The following HBS1L variants were observed in gnomAD, a reference collection of about 807,000 sequenced individuals.
HBS1L encodes the protein HBS1-like protein.
A neutral mutation model predicts 88.9 loss-of-function variants in HBS1L; 55 were observed. The observed-to-expected ratio is 0.62, with a 90% confidence interval of 0.50 to 0.77. The LOEUF is 0.77. Among genes scored for constraint, HBS1L ranks in the 30% least tolerant of loss-of-function variants. The pLI is 0.00. For missense variants in HBS1L, 741 were observed against 829.3 expected (o/e 0.89, Z 1.31); for synonymous variants, 267 against 288.5 (o/e 0.93, Z 0.76).
At chr6:135,038,496 A>G (rs1196495998) in intron 4 of HBS1L, among the ~76,000 whole-genome samples, 1 of 152,244 alleles carries the variant, frequency 6.6e-6, no homozygotes, top group Non-Finnish European at 1.5e-5. Flanking sequence ...ATGACATATT[A>G]CAGACTCATT....
rs1397789789 is a variant in HBS1L, at chr6:135,054,487, A to T, written c.43+162T>A. Among the ~76,000 whole-genome samples the T allele has an allele frequency of 4.6e-5, 7 of 152,238 alleles. No homozygotes were observed. In the East Asian group the frequency reaches 1.3e-3, roughly 29 times the overall value. ...GAAATCATGACTTAAAAACGACGGC[A>T]TTTGAAAGCACTAGAAGGCCTGTTA... On this transcript the variant is annotated intron_variant, in intron 1 of 17. Coordinates refer to ENST00000367837, the MANE Select transcript of HBS1L (RefSeq NM_006620.4).
chr6:135,051,694 C>T (rs146436086), intron 1 of HBS1L, among the ~76,000 whole-genome samples: 6 of 152,288 alleles, frequency 3.9e-5, no homozygotes, highest in African/African-American at 1.4e-4. Context: ...CAGGGCAAGA[C>T]TTGGTTTAGC....
intron 4 of HBS1L, chr6:135,038,125 T>A: frequency 2.4e-6 from 2 of 840,884 alleles, no homozygotes; most frequent in Non-Finnish European, 3.5e-6. Flanking sequence ...GGCATTTAAT[T>A]ACTAAATGCT....
At chr6:135,039,837 T>G in intron 3 of HBS1L, 70 bp from the exon 4 acceptor site, 1 of 1,340,830 alleles carries the variant, frequency 7.5e-7, no homozygotes, top group Non-Finnish European at 1.0e-6. Flanking sequence ...TCTTCAAAAC[T>G]GATTTTAAAA....
chr6:135,007,581 C>T (rs910910819), intron 4 of HBS1L, among the ~76,000 whole-genome samples: 1 of 152,166 alleles, frequency 6.6e-6, no homozygotes, highest in African/African-American at 2.4e-5. Context: ...AGGTGATTTA[C>T]TTCCACTTAC....
chr6:135,047,028 T>C (rs942398920), intron 2 of HBS1L, among the ~76,000 whole-genome samples: 2 of 152,242 alleles, frequency 1.3e-5, no homozygotes, highest in Admixed American at 1.3e-4. Context: ...AACATTTAAC[T>C]ATCTCCTGCT....
At chr6:134,992,209 T>A (rs1482508051) in intron 8 of HBS1L, among the ~76,000 whole-genome samples, 1 of 152,228 alleles carries the variant, frequency 6.6e-6, no homozygotes, top group African/African-American at 2.4e-5. Context: ...CAATGTCCTA[T>A]ATATGCAGTG....
intron 5 of HBS1L, among the ~76,000 whole-genome samples, chr6:135,000,483 G>A (rs531016655): frequency 1.3e-5 from 2 of 151,912 alleles, no homozygotes; most frequent in South Asian, 4.2e-4. Flanking sequence ...ACTTAGAAGC[G>A]AATAACTGAG....
intron 4 of HBS1L, among the ~76,000 whole-genome samples, chr6:135,029,266 G>A (rs901422219): frequency 2.2e-4 from 34 of 151,878 alleles, no homozygotes; most frequent in Non-Finnish European, 4.4e-5. Context: ...TCTAACAAAT[G>A]ACCTGACACA....
intron 4 of HBS1L, among the ~76,000 whole-genome samples, chr6:135,019,203 T>C (rs1464431483): frequency 6.6e-6 from 1 of 151,844 alleles, no homozygotes; most frequent in African/African-American, 2.4e-5. Flanking sequence ...CAGCTAGTAG[T>C]TGGTTCAGTT....
chr6:135,052,771 TA>T (rs1384890193), intron 1 of HBS1L, among the ~76,000 whole-genome samples: 2 of 152,120 alleles, frequency 1.3e-5, no homozygotes, highest in Non-Finnish European at 2.9e-5. Flanking sequence ...GCCAGCTACT[TA>T]AAGTATGGAT....
At chr6:134,970,543 C>A (rs564795129) in intron 15 of HBS1L, among the ~76,000 whole-genome samples, 1 of 152,310 alleles carries the variant, frequency 6.6e-6, no homozygotes, top group South Asian at 2.1e-4. Context: ...TGGCACATGG[C>A]AAGCATTCAG....
intron 15 of HBS1L, 63 bp from the exon 16 acceptor site, chr6:134,969,401 G>A: frequency 1.0e-6 from 1 of 996,236 alleles, no homozygotes. Flanking sequence ...TTTTCTTTTG[G>A]CACTTATACT....
intron 4 of HBS1L, among the ~76,000 whole-genome samples, chr6:135,018,705 T>C (rs1358401688): frequency 1.3e-5 from 2 of 151,932 alleles, no homozygotes; most frequent in African/African-American, 2.4e-5. Flanking sequence ...GGACTAGAAA[T>C]AGGACAGCCT....
intron 5 of HBS1L, among the ~76,000 whole-genome samples, chr6:135,000,259 A>G (rs1156798856): frequency 7.0e-6 from 1 of 143,222 alleles, no homozygotes; most frequent in East Asian, 2.0e-4. Context: ...GGGAATCTCA[A>G]TATATTGCCC....
At chr6:135,037,513 T>TC (rs749396909) in intron 4 of HBS1L, 24 of 1,550,086 alleles carry the variant, frequency 1.5e-5, no homozygotes, top group Admixed American at 3.9e-5. Flanking sequence ...TCCTAAACTG[T>TC]CCTGTACTGG....
In HBS1L at chr6:134,960,868, T is replaced by G. The variant is rs768549137; in HGVS notation, c.*4411A>C. The G allele has an allele frequency of 8.5e-5, 13 of 152,194 alleles. No individual in the cohort carries two copies. The highest frequency in any genetic ancestry group is 1.5e-4 in the Non-Finnish European group (10 of 68,018). 9.4% of individuals were successfully genotyped at this position (152,194 alleles called of 1,614,324 possible). A position where few individuals can be genotyped will look rare whatever the true frequency, so the allele number is the denominator to read the frequency against. On this transcript the variant is annotated 3_prime_UTR_variant, in exon 18 of 18. Transcript: ENST00000367837. ...ATACACCCAACGGATCAGTTATTTTTGTCTCCCCAGTACATCTGTGCCCTT... is the reference window on the plus strand; with the variant it reads ...ATACACCCAACGGATCAGTTATTTTGGTCTCCCCAGTACATCTGTGCCCTT...
At chr6:135,032,976 AC>A (rs1293623705) in intron 4 of HBS1L, among the ~76,000 whole-genome samples, 2 of 131,204 alleles carry the variant, frequency 1.5e-5, no homozygotes, top group African/African-American at 5.6e-5. Context: ...CAGAAATGAA[AC>A]CCTGGTTCTT....
At chr6:134,997,035 A>C in intron 6 of HBS1L, 93 bp from the exon 7 acceptor site, 1 of 888,674 alleles carries the variant, frequency 1.1e-6, no homozygotes, top group Non-Finnish European at 1.7e-6. Flanking sequence ...ATTTCATGTC[A>C]GTGGTTTACA....
Sources: gnomAD v4.1 joint callset for allele counts (sites outside exome capture counted in the v4.1 genomes callset) on GRCh38, gnomAD v4.1.1 for gene constraint, MANE v1.5 for transcripts, NCBI Gene and HGNC (gene_info 2026-07-23, HGNC 2026-07-21) for gene names.